The following PCDHGA8 variants were observed in gnomAD, a reference collection of about 807,000 sequenced individuals.
The protein encoded by PCDHGA8 is protocadherin gamma-A8.
In PCDHGA8, 45 loss-of-function variants were observed where a neutral mutation model predicts 59.2. The ratio of observed to expected loss-of-function variants is 0.76; its 90% CI spans 0.60 to 0.98. The LOEUF (loss-of-function observed/expected upper bound fraction) is 0.98. Ranked by LOEUF, PCDHGA8 falls within the 50% of genes least tolerant of loss-of-function variation. The pLI is 0.00. For missense variants in PCDHGA8, 1,257 were observed against 1,196.2 expected, an observed-to-expected ratio of 1.05 and a Z score of -0.75; for synonymous variants, 531 against 519.0, an observed-to-expected ratio of 1.02 and a Z score of -0.32.
chr5:141,511,093 G>A lies in PCDHGA8; in HGVS notation c.2719G>A (p.Ala907Thr), dbSNP rs377350933. The change falls in exon 4 of 4, where the codon GCA (alanine) becomes ACA (threonine). Residue 907 changes from alanine to threonine, a missense_variant. Physicochemically the swap from Ala to Thr is moderately conservative, Grantham distance 58. Coordinates refer to ENST00000398604, the MANE Select transcript of PCDHGA8 (RefSeq NM_032088.2). Reference protein sequence around the residue: ...IPGSNATLTNAAGKRDGKAPA... With the variant: ...IPGSNATLTNTAGKRDGKAPA... ...AGGCAGCAATGCCACACTGACCAACGCAGCTGGCAAGCGGGATGGCAAGGC... is the reference window on the plus strand; with the variant it reads ...AGGCAGCAATGCCACACTGACCAACACAGCTGGCAAGCGGGATGGCAAGGC... 8 of 1,614,072 alleles carry A rather than the reference G, an allele frequency of 5.0e-6. No individual in the cohort carries two copies. Among genetic ancestry groups the A allele is most frequent in the African/African-American group, 4.0e-5 (3 of 74,916 alleles).
rs2092979975 is a variant in PCDHGA8 at position 141,394,337 on chromosome 5, C to T, written c.1524C>T (p.Asn508=). The T allele has an allele frequency of 7.4e-6, 12 of 1,614,148 alleles. No homozygotes were observed. Among genetic ancestry groups the T allele is most frequent in the Non-Finnish European group, 1.0e-5 (12 of 1,179,994 alleles). ...GAPLSSYISI[N]SDTGVLYALQ... is the part of the protein sequence containing the mutation. ...CCCTGTCCTCGTATATCTCCATCAA[C>T]TCTGACACCGGTGTCCTGTATGCGC... Residue 508 remains asparagine, a synonymous_variant, in exon 1 of 4, where the codon AAC becomes AAT. Transcript: ENST00000398604.
intron 1 of PCDHGA8, chr5:141,433,359 CT>C: frequency 8.7e-6 from 2 of 228,708 alleles, no homozygotes; most frequent in Non-Finnish European, 1.6e-5. Context: ...TACTGTCTGC[CT>C]ATCTATCTAT....
At chr5:141,437,944 G>A (rs576107104) in intron 1 of PCDHGA8, among the ~76,000 whole-genome samples, 1 of 152,178 alleles carries the variant, frequency 6.6e-6, no homozygotes, top group South Asian at 2.1e-4. Flanking sequence ...CACCATATTG[G>A]CCAGAATGGT....
At position 141,485,044 on chromosome 5, in the gene PCDHGA8, G is replaced by A; in HGVS notation, c.2425-9763G>A. 2 of 737,674 alleles carry A rather than the reference G, an allele frequency of 2.7e-6. No individual in the cohort carries two copies. The highest frequency in any genetic ancestry group is 1.8e-5 in the African/African-American group (1 of 56,792). The allele number at this position is 737,674 out of a possible 1,614,324, so 45.7% of individuals were successfully genotyped here. A position where few individuals can be genotyped will look rare whatever the true frequency, so the allele number is the denominator to read the frequency against. ...GCAAAAACGGCGCGTAACCCTTGCG[G>A]CGCCGGCCGAACCGCGCCAGAGCTG... On this transcript the variant is annotated intron_variant, in intron 1 of 3. Coordinates refer to ENST00000398604, the MANE Select transcript of PCDHGA8 (RefSeq NM_032088.2). This position sits in a 1 kb window ranked among gnomAD's most constrained non-coding sequence, Gnocchi z 5.7.
intron 1 of PCDHGA8, chr5:141,416,864 G>C (rs2096066198): frequency 6.6e-6 from 1 of 151,862 alleles, no homozygotes; most frequent in Admixed American, 6.6e-5. Flanking sequence ...TTTCAGGTCA[G>C]TCAACATTTG....
At chr5:141,433,377 A>ATCTG (rs1300427377) in intron 1 of PCDHGA8, among the ~76,000 whole-genome samples, 1 of 150,958 alleles carries the variant, frequency 6.6e-6, no homozygotes, top group Non-Finnish European at 1.5e-5. Context: ...CTATCTATCT[A>ATCTG]TCTATCTATC....
chr5:141,475,741 G>C (rs1455125695), intron 1 of PCDHGA8, among the ~76,000 whole-genome samples: 1 of 152,268 alleles, frequency 6.6e-6, no homozygotes, highest in Non-Finnish European at 1.5e-5. Flanking sequence ...CCCTAAGGTA[G>C]GTTTCCTATG....
chr5:141,457,809 C>A (rs1404645915), intron 1 of PCDHGA8, among the ~76,000 whole-genome samples: 1 of 152,180 alleles, frequency 6.6e-6, no homozygotes, highest in Non-Finnish European at 1.5e-5. Flanking sequence ...CTCTTGAGGT[C>A]CCAAGATAAA....
chr5:141,398,799 C>A, intron 1 of PCDHGA8: 1 of 1,613,966 alleles, frequency 6.2e-7, no homozygotes, highest in South Asian at 1.1e-5. Context: ...CCCTAAGCGG[C>A]ACCACTGAGC....
intron 3 of PCDHGA8, among the ~76,000 whole-genome samples, chr5:141,510,166 A>G (rs1280391099): frequency 6.6e-6 from 1 of 151,872 alleles, no homozygotes; most frequent in African/African-American, 2.4e-5. Flanking sequence ...TCAGCTACTC[A>G]GGAGGTTGAG....
intron 1 of PCDHGA8, among the ~76,000 whole-genome samples, chr5:141,446,473 G>C (rs558209769): frequency 2.0e-4 from 29 of 148,138 alleles, no homozygotes; most frequent in Non-Finnish European, 1.5e-4. Context: ...TAGACATATG[G>C]TCATCATTCT....
Position 141,393,313 on chromosome 5 carries a change from T to G in PCDHGA8, c.500T>G (p.Leu167Arg). The change falls in exon 1 of 4, where the codon CTC becomes CGC. Residue 167 changes from leucine (L) to arginine (R), a missense_variant. By Grantham distance (102) the Leu-to-Arg change is moderately radical (BLOSUM62 -2). Transcript: ENST00000398604. ...GACCCGGATGTGGGCGTGAACTCCC[T>G]CCAGAGCTACCAGCTCAGCCCCAAT... ...AVDPDVGVNS[L>R]QSYQLSPNHH... 1.2e-6 allele frequency: 2 copies of G among 1,613,324 alleles called. No individual in the cohort carries two copies. Among genetic ancestry groups the G allele is most frequent in the Non-Finnish European group, 1.7e-6 (2 of 1,179,826 alleles).
Position 141,476,793 on chromosome 5 carries a change from C to T in PCDHGA8, c.2425-18014C>T, listed in dbSNP as rs754785656. ...GACGGAGGGACCCCAGCTCTCTCCG[C>T]CAGCCTGCCTATTCACATCAAGGTG... On this transcript the variant is annotated intron_variant, in intron 1 of 3. Transcript: ENST00000398604. The surrounding 1 kb of genome is among the most constrained non-coding windows in gnomAD (Gnocchi z 7.6). 1.2e-6 allele frequency: 2 copies of T among 1,613,642 alleles called. No homozygotes were observed. The highest frequency in any genetic ancestry group is 2.2e-5 in the East Asian group (1 of 44,868).
intron 1 of PCDHGA8, chr5:141,427,983 C>T (rs1390934748): frequency 1.3e-6 from 2 of 1,596,840 alleles, no homozygotes; most frequent in Admixed American, 1.7e-5. Flanking sequence ...CGCGCTGGGG[C>T]CCGATGGCTC....
At position 141,422,630 on chromosome 5, in the gene PCDHGA8, G is replaced by A. The variant is rs1193466428; in HGVS notation, c.2424+27393G>A. 5 of 1,613,176 alleles carry A rather than the reference G, an allele frequency of 3.1e-6. No homozygotes were observed. The Admixed American group carries it at 8.3e-5, about 27-fold the overall frequency. On this transcript the variant is annotated intron_variant, in intron 1 of 3. Coordinates refer to ENST00000398604, the MANE Select transcript of PCDHGA8 (RefSeq NM_032088.2). ...GCCTACATTCCCGAAAACAACCCCA[G>A]GGGTGCCTCCATCTTCTCAGTGACC...
At position 141,393,399 on chromosome 5, in the gene PCDHGA8, C is replaced by G; in HGVS notation, c.586C>G (p.Leu196Val). The G allele has an allele frequency of 6.2e-7, 1 of 1,614,028 alleles. No homozygotes were observed. The highest frequency in any genetic ancestry group is 8.5e-7 in the Non-Finnish European group (1 of 1,179,894). ...DNGAINPELV[L>V]ERALDREEEA... ...TGGAGCCATAAACCCAGAGCTGGTG[C>G]TGGAGCGCGCCCTGGACAGGGAGGA... Residue 196 changes from leucine to valine, a missense_variant, in exon 1 of 4, where the codon CTG (leucine) becomes GTG (valine). Transcript: ENST00000398604.
chr5:141,423,116 C>T (rs374000303), intron 1 of PCDHGA8: 210 of 1,613,682 alleles, frequency 1.3e-4, no homozygotes, highest in Middle Eastern at 4.9e-4. Context: ...GTGCGTACAG[C>T]GCGGGCACTG....
chr5:141,497,544 T>C (rs1410779650), intron 2 of PCDHGA8, among the ~76,000 whole-genome samples: 4 of 150,796 alleles, frequency 2.7e-5, no homozygotes, highest in African/African-American at 9.8e-5. Flanking sequence ...ACAAACCTTT[T>C]TTTTTTTTTT....
intron 1 of PCDHGA8, chr5:141,426,581 C>A: frequency 2.8e-6 from 1 of 358,468 alleles, no homozygotes. Context: ...TCTTCAAAAT[C>A]CTCTGTGTCA....
Sources: allele counts gnomAD v4.1 joint callset (sites outside exome capture counted in the v4.1 genomes callset), GRCh38; gene constraint gnomAD v4.1.1; non-coding constraint Gnocchi (gnomAD v3.1); transcripts MANE v1.5; gene names NCBI Gene and HGNC (gene_info 2026-07-23, HGNC 2026-07-21).